Variants in KALRN observed in about 807,000 individuals in gnomAD.
KALRN encodes kalirin.
Under a neutral mutation model 353.7 loss-of-function variants are expected in KALRN, and 70 were observed. That is an observed-to-expected ratio of 0.20 (90% CI 0.16 to 0.24). The LOEUF is 0.24. Among genes scored for constraint, KALRN ranks in the 10% least tolerant of loss-of-function variants. KALRN has a pLI of 1.00. For missense variants in KALRN, 2,791 were observed against 3,756.7 expected (o/e 0.74, Z 6.72); for synonymous variants, 1,391 against 1,434.8 (o/e 0.97, Z 0.69).
At chr3:124,696,407 C>T (rs7616856) in intron 54 of KALRN, 152 bp downstream of exon 54, 103,945 of 536,200 alleles carry the variant, frequency 0.19, 12,052 homozygotes, top group East Asian at 0.43. Flanking sequence ...ATTAGCTGGA[C>T]ATGCACCACC....
At chr3:124,206,197 C>A (rs1055929220) in intron 1 of KALRN, among the ~76,000 whole-genome samples, 3 of 152,142 alleles carry the variant, frequency 2.0e-5, no homozygotes, top group Admixed American at 6.6e-5. Context: ...TACAGATGTT[C>A]CTGGTTGATG....
At chr3:124,605,163 C>T (rs2077204517) in intron 34 of KALRN, among the ~76,000 whole-genome samples, 1 of 149,864 alleles carries the variant, frequency 6.7e-6, no homozygotes, top group African/African-American at 2.4e-5. Context: ...CCAGGCTGGT[C>T]TTGAACTCCT....
At chr3:124,079,921 T>C (rs1397275582) in intron 1 of KALRN, 3 of 328,864 alleles carry the variant, frequency 9.1e-6, no homozygotes, top group Non-Finnish European at 2.0e-5. Flanking sequence ...AACGTGTTTG[T>C]TTCCCCATAA....
At chr3:124,498,992 A>T (rs897374897) in intron 33 of KALRN, among the ~76,000 whole-genome samples, 5 of 152,114 alleles carry the variant, frequency 3.3e-5, no homozygotes, top group Admixed American at 1.3e-4. Context: ...ACTGACTCAT[A>T]TTCAACAGAA....
chr3:124,177,269 C>G (rs6763042), intron 1 of KALRN, among the ~76,000 whole-genome samples: 57,698 of 152,108 alleles, frequency 0.38, 11,358 homozygotes, highest in African/African-American at 0.49. Flanking sequence ...TCAAACACTC[C>G]GGGCAAGACT....
chr3:124,689,859 A>G (rs2061731118), intron 51 of KALRN, among the ~76,000 whole-genome samples: 1 of 152,252 alleles, frequency 6.6e-6, no homozygotes, highest in Non-Finnish European at 1.5e-5. Context: ...CAAAAGGTTC[A>G]CAAGTCTGGT....
chr3:124,280,536 C>G (rs575206859), intron 5 of KALRN, among the ~76,000 whole-genome samples: 1 of 152,286 alleles, frequency 6.6e-6, no homozygotes, highest in South Asian at 2.1e-4. Flanking sequence ...ATGCAGCTTT[C>G]CTGGGACCAG....
In KALRN at chr3:124,719,737, A is replaced by G. The variant is rs970255123; in HGVS notation, c.*267A>G. ...GTTCAGAAGAAGGGCAAAGATAAGAACAATATTAGCTGTTACGAAATTTTA... is the reference window on the plus strand; with the variant it reads ...GTTCAGAAGAAGGGCAAAGATAAGAGCAATATTAGCTGTTACGAAATTTTA... On this transcript the variant is annotated 3_prime_UTR_variant, in exon 60 of 60. Transcript: ENST00000682506. This position sits in a 1 kb window ranked among gnomAD's most constrained non-coding sequence, Gnocchi z 5.3. 1.6e-5 allele frequency: 6 copies of G among 382,456 alleles called. No individual in the cohort carries two copies. Among genetic ancestry groups the G allele is most frequent in the Non-Finnish European group, 2.4e-5 (5 of 210,724 alleles). The allele number at this position is 382,456 out of a possible 1,614,324, so 23.7% of individuals were successfully genotyped here. A position where few individuals can be genotyped will look rare whatever the true frequency, so the allele number is the denominator to read the frequency against.
chr3:124,647,259 G>A (rs894151286), intron 37 of KALRN, among the ~76,000 whole-genome samples: 6 of 151,884 alleles, frequency 4.0e-5, no homozygotes, highest in African/African-American at 1.5e-4. Flanking sequence ...TCTGATCCCT[G>A]CAAACTTCTC....
Position 124,298,860 on chromosome 3 carries a change from C to G in KALRN, c.1039C>G (p.Gln347Glu). 6.2e-7 allele frequency: 1 copy of G among 1,614,184 alleles called. No homozygotes were observed. The highest frequency in any genetic ancestry group is 1.1e-5 in the South Asian group (1 of 91,084). ...CCACACGGAGATCGGAGTCAGCTAC[C>G]AGTACGCCCTTGACCTCCAGACGCA... ...QSHTEIGVSYQYALDLQTQHN... is the reference protein window; with the variant it reads ...QSHTEIGVSYEYALDLQTQHN... The change falls in exon 6 of 60, where the codon CAG becomes GAG. Residue 347 changes from glutamine (Q) to glutamate (E), a missense_variant. Physicochemically the swap from Gln to Glu is conservative, Grantham distance 29 (BLOSUM62 2). Coordinates refer to ENST00000682506, the MANE Select transcript of KALRN (RefSeq NM_001388419.1).
At chr3:124,199,163 C>T (rs2075724529) in intron 1 of KALRN, among the ~76,000 whole-genome samples, 1 of 152,252 alleles carries the variant, frequency 6.6e-6, no homozygotes, top group Non-Finnish European at 1.5e-5. Flanking sequence ...ATTGATACTG[C>T]AGTGCATGCC....
chr3:124,533,995 T>C (rs1285108985), intron 33 of KALRN, among the ~76,000 whole-genome samples: 1 of 152,160 alleles, frequency 6.6e-6, no homozygotes, highest in Non-Finnish European at 1.5e-5. Flanking sequence ...CTTGATATGA[T>C]GTGGTGCTCT....
intron 1 of KALRN, among the ~76,000 whole-genome samples, chr3:124,146,685 C>G (rs1377160033): frequency 6.6e-6 from 1 of 151,906 alleles, no homozygotes; most frequent in African/African-American, 2.4e-5. Flanking sequence ...TGAGACCAGT[C>G]TGGTCAACAT....
At chr3:124,590,971 C>T (rs1273832621) in intron 34 of KALRN, among the ~76,000 whole-genome samples, 1 of 152,178 alleles carries the variant, frequency 6.6e-6, no homozygotes, top group African/African-American at 2.4e-5. Flanking sequence ...GGGCATGTGG[C>T]TTGTCTTCGT....
chr3:124,625,551 T>C (rs1370751284), intron 34 of KALRN, among the ~76,000 whole-genome samples: 1 of 150,978 alleles, frequency 6.6e-6, no homozygotes, highest in Non-Finnish European at 1.5e-5. Flanking sequence ...TGAGACCCCA[T>C]CTCTATCTTC....
chr3:124,187,935 G>A (rs2074422636), intron 1 of KALRN, among the ~76,000 whole-genome samples: 1 of 152,146 alleles, frequency 6.6e-6, no homozygotes, highest in Non-Finnish European at 1.5e-5. Flanking sequence ...TGTCCCAGTA[G>A]GGTAGATAAA....
chr3:124,268,536 C>A, intron 4 of KALRN: 1 of 591,812 alleles, frequency 1.7e-6, no homozygotes, highest in Non-Finnish European at 3.0e-6. Flanking sequence ...TAGAGGCTTG[C>A]TAAAGCAGTC....
chr3:124,264,870 C>T lies in KALRN; in HGVS notation c.456+180C>T, dbSNP rs540542661. ...AGTATGGGGAGGAACAAGAGGCTCA[C>T]GAGATTGTCCCAAATGCACACCTTC... On this transcript the variant is annotated intron_variant, in intron 4 of 59. Coordinates refer to ENST00000682506, the MANE Select transcript of KALRN (RefSeq NM_001388419.1). Among the ~76,000 whole-genome samples the T allele has an allele frequency of 1.7e-4, 26 of 152,258 alleles. No homozygotes were observed. The South Asian group carries it at 4.6e-3, about 27-fold the overall frequency.
chr3:124,692,856 G>C (rs1308609547), intron 51 of KALRN, among the ~76,000 whole-genome samples: 6 of 152,284 alleles, frequency 3.9e-5, no homozygotes, highest in African/African-American at 1.4e-4. Context: ...TCCAAAGTCC[G>C]TGCTTTTTTA....
Sources: allele counts gnomAD v4.1 joint callset (sites outside exome capture counted in the v4.1 genomes callset), GRCh38; gene constraint gnomAD v4.1.1; non-coding constraint Gnocchi (gnomAD v3.1); transcripts MANE v1.5; gene names NCBI Gene and HGNC (gene_info 2026-07-23, HGNC 2026-07-21).